Variants in DENND2A observed in about 807,000 individuals in gnomAD.
DENND2A encodes DENN domain containing 2A.
Under a neutral mutation model 105.3 loss-of-function variants are expected in DENND2A, and 53 were observed. The ratio of observed to expected loss-of-function variants is 0.50; its 90% confidence interval spans 0.40 to 0.63. The LOEUF is 0.63. DENND2A is among the 30% of genes least tolerant of loss of function. The pLI, the probability that DENND2A is intolerant of heterozygous loss-of-function variation, is 0.00. For missense variants in DENND2A, 1,138 were observed against 1,279.6 expected (o/e 0.89, Z 1.69); for synonymous variants, 522 against 508.4 (o/e 1.03, Z -0.36).
chr7:140,544,913 G>A, intron 13 of DENND2A, 147 bp from the exon 14 acceptor site: 1 of 1,422,502 alleles, frequency 7.0e-7, no homozygotes, highest in Non-Finnish European at 9.2e-7. Context: ...CAAAACAAAA[G>A]GATTGGGGGA....
chr7:140,586,691 C>A (rs149105873), intron 4 of DENND2A, among the ~76,000 whole-genome samples: 167 of 152,320 alleles, frequency 1.1e-3, no homozygotes, highest in Non-Finnish European at 2.0e-3. Context: ...GATCTCGCTC[C>A]CATTTTAGAT....
At chr7:140,633,028 ATTT>A (rs1181300571) in intron 1 of DENND2A, among the ~76,000 whole-genome samples, 6 of 131,330 alleles carry the variant, frequency 4.6e-5, no homozygotes, top group Admixed American at 7.7e-5. Context: ...TGCCCAGCTA[ATTT>A]TTTTTTTTTT....
intron 1 of DENND2A, among the ~76,000 whole-genome samples, chr7:140,613,156 G>T (rs537407900): frequency 3.3e-5 from 5 of 151,806 alleles, no homozygotes; most frequent in Non-Finnish European, 4.4e-5. Context: ...TGATGCAAGC[G>T]TGTAGTCCCT....
chr7:140,545,945 G>T lies in DENND2A; in HGVS notation c.2178+854C>A, dbSNP rs572362532. 7.0e-4 allele frequency among the ~76,000 whole-genome samples: 107 copies of T among 152,218 alleles called. 1 individual carries two copies. The highest frequency in any genetic ancestry group is 2.5e-3 in the African/African-American group (103 of 41,542). On this transcript the variant is annotated intron_variant, in intron 13 of 19. Coordinates refer to ENST00000496613, the MANE Select transcript of DENND2A (RefSeq NM_015689.5). ...CACAGAGATTGCTGTTCTCTCTGCT[G>T]GGAAACTAGGTTGTTCCAGAGTGTT... is the stretch of plus-strand genomic sequence containing the variant.
At chr7:140,534,381 C>T (rs1796386258) in intron 14 of DENND2A, among the ~76,000 whole-genome samples, 1 of 152,178 alleles carries the variant, frequency 6.6e-6, no homozygotes, top group Non-Finnish European at 1.5e-5. Context: ...CCACGCCCAG[C>T]CCACATCAAT....
chr7:140,557,531 A>ATATATATATATATT (rs1554467351), intron 11 of DENND2A, among the ~76,000 whole-genome samples: 1 of 39,660 alleles, frequency 2.5e-5, no homozygotes, highest in Non-Finnish European at 5.1e-5. Flanking sequence ...ATATATATAT[A>ATATATATATATATT]TTTTTTTTTT....
chr7:140,602,374 C>A lies in DENND2A; in HGVS notation c.24G>T (p.Met8Ile). The change falls in exon 3 of 20, where the codon ATG becomes ATT. Residue 8 changes from methionine (M) to isoleucine (I), a missense_variant. Around this residue, in one of 2 missense-constraint regions of DENND2A, gnomAD observed 511 missense variants for 499.9 expected, o/e 1.02. Transcript: ENST00000496613. MDMFSLD[M>I]IISDPAAEAS... ...CTTCTGCAGCTGGGTCACTGATGAT[C>A]ATATCCAAGCTGAACATATCCATTC... 6.3e-7 allele frequency: 1 copy of A among 1,583,360 alleles called. No individual in the cohort carries two copies.
chr7:140,523,517 C>G lies in DENND2A; in HGVS notation c.2548-93G>C, dbSNP rs1362641219. 9.6e-7 allele frequency: 1 copy of G among 1,043,820 alleles called. No homozygotes were observed. Among genetic ancestry groups the G allele is most frequent in the South Asian group, 1.3e-5 (1 of 75,458 alleles). The allele number at this position is 1,043,820 out of a possible 1,614,324, so 64.7% of individuals were successfully genotyped here. A position where few individuals can be genotyped will look rare whatever the true frequency, so the allele number is the denominator to read the frequency against. On this transcript the variant is annotated intron_variant, in intron 16 of 19. Transcript: ENST00000496613. This position sits in a 1 kb window ranked among gnomAD's most constrained non-coding sequence, Gnocchi z 4.5. ...GAGCCACTGCAGGGCAGGCCTGGCT[C>G]AGTCTCCAGTTTCATGGAAGGAATA...
chr7:140,574,880 C>T (rs1164565546), intron 5 of DENND2A, among the ~76,000 whole-genome samples: 4 of 151,878 alleles, frequency 2.6e-5, no homozygotes, highest in East Asian at 1.9e-4. Context: ...ATTAGCCAGG[C>T]GTGGTGGCGG....
At chr7:140,519,519 C>T (rs939824036) in intron 19 of DENND2A, 113 bp downstream of exon 19, 19 of 860,908 alleles carry the variant, frequency 2.2e-5, no homozygotes, top group African/African-American at 3.4e-5. Flanking sequence ...CAGCGCAGGC[C>T]GTAGAGCTCT....
At chr7:140,609,619 C>T (rs1799821384) in intron 1 of DENND2A, among the ~76,000 whole-genome samples, 1 of 152,152 alleles carries the variant, frequency 6.6e-6, no homozygotes, top group Non-Finnish European at 1.5e-5. Flanking sequence ...TTTTTGTAGG[C>T]TTGAACATTT....
chr7:140,577,196 G>A (rs1472896625), intron 5 of DENND2A, among the ~76,000 whole-genome samples: 4 of 152,134 alleles, frequency 2.6e-5, no homozygotes, highest in Non-Finnish European at 5.9e-5. Context: ...TTAGCTGTGG[G>A]TGAGAGTATT....
At chr7:140,584,068 C>T (rs189621598) in intron 5 of DENND2A, among the ~76,000 whole-genome samples, 1 of 149,458 alleles carries the variant, frequency 6.7e-6, no homozygotes, top group East Asian at 1.9e-4. Context: ...ATGGTGAAAC[C>T]CCATCTCTAC....
rs58620263 is a variant in DENND2A, at chr7:140,559,340, G to A, written c.1889+368C>T. ...TAAAAACACTGGTGTCTAATTACTC[G>A]GGATGAAGCAGAAATGTAAACGGAT... is the stretch of plus-strand genomic sequence containing the variant. On this transcript the variant is annotated intron_variant, in intron 10 of 19. Coordinates refer to ENST00000496613, the MANE Select transcript of DENND2A (RefSeq NM_015689.5). The surrounding 1 kb of genome is among the most constrained non-coding windows in gnomAD (Gnocchi z 4.1). 0.014 allele frequency among the ~76,000 whole-genome samples: 2,091 copies of A among 152,280 alleles called. 45 individuals carry two copies. The highest frequency in any genetic ancestry group is 0.048 in the African/African-American group (1,979 of 41,552).
At chr7:140,581,441 G>T (rs1278546544) in intron 5 of DENND2A, among the ~76,000 whole-genome samples, 1 of 152,176 alleles carries the variant, frequency 6.6e-6, no homozygotes, top group Non-Finnish European at 1.5e-5. Flanking sequence ...CTAGTGACCC[G>T]AATAACTAGC....
At chr7:140,564,522 G>A (rs1040131115) in intron 9 of DENND2A, among the ~76,000 whole-genome samples, 1 of 152,112 alleles carries the variant, frequency 6.6e-6, no homozygotes, top group African/African-American at 2.4e-5. Context: ...TTCCAGTTTT[G>A]TAAGAACATT....
At chr7:140,558,282 A>C in intron 10 of DENND2A, 70 bp from the exon 11 acceptor site, 1 of 1,291,608 alleles carries the variant, frequency 7.7e-7, no homozygotes, top group Non-Finnish European at 1.1e-6. Flanking sequence ...ACTCTGCAGC[A>C]AGGGGTGGCA....
chr7:140,542,482 C>G (rs1796703128), intron 14 of DENND2A, among the ~76,000 whole-genome samples: 1 of 152,022 alleles, frequency 6.6e-6, no homozygotes, highest in Non-Finnish European at 1.5e-5. Context: ...CTCTGTCCAC[C>G]ACTGCCGGCT....
intron 1 of DENND2A, among the ~76,000 whole-genome samples, chr7:140,635,066 C>T (rs1396289289): frequency 6.6e-6 from 1 of 151,974 alleles, no homozygotes; most frequent in Non-Finnish European, 1.5e-5. Context: ...AGTTTGAGAC[C>T]AGCCTGGGCA....
Sources: allele counts gnomAD v4.1 joint callset (sites outside exome capture counted in the v4.1 genomes callset), GRCh38; gene constraint gnomAD v4.1.1; regional missense constraint gnomAD v4.1.1; non-coding constraint Gnocchi (gnomAD v3.1); transcripts MANE v1.5; gene names NCBI Gene and HGNC (gene_info 2026-07-23, HGNC 2026-07-21).